The following BTLA variants were observed in gnomAD, a reference collection of about 807,000 sequenced individuals.
BTLA encodes the protein B and T lymphocyte associated.
In BTLA, 11 loss-of-function variants were observed where a neutral mutation model predicts 25.0. The observed-to-expected ratio is 0.44, with a 90% confidence interval of 0.28 to 0.73. The LOEUF (loss-of-function observed/expected upper bound fraction) is 0.73. Ranked by LOEUF, BTLA falls within the 30% of genes least tolerant of loss-of-function variation. The probability of loss-of-function intolerance (pLI) is 0.15; values close to 1 mark genes in which losing one functional copy is unlikely to be tolerated. For synonymous variants in BTLA, 104 were observed against 119.8 expected, an observed-to-expected ratio of 0.87 and a Z score of 0.86; for missense variants, 282 against 332.8, an observed-to-expected ratio of 0.85 and a Z score of 1.19.
In BTLA at chr3:112,492,626, T is replaced by G. The variant is rs116514950; in HGVS notation, c.88+6645A>C. The stretch of plus-strand genomic sequence containing the variant: ...TCTCTAATACATTCTACCACAGACA[T>G]CACACTGAGATTCACTGGCATTTTC... On this transcript the variant is annotated intron_variant, in intron 1 of 4. Coordinates refer to ENST00000334529, the MANE Select transcript of BTLA (RefSeq NM_181780.4). Among the ~76,000 whole-genome samples the G allele has an allele frequency of 2.8e-3, 431 of 152,312 alleles. 4 individuals carry two copies. Among genetic ancestry groups the G allele is most frequent in the African/African-American group, 9.9e-3 (413 of 41,576 alleles).
chr3:112,489,181 G>A (rs1167310404), intron 1 of BTLA, among the ~76,000 whole-genome samples: 2 of 152,082 alleles, frequency 1.3e-5, no homozygotes, highest in Non-Finnish European at 2.9e-5. Context: ...CCACTCAGGG[G>A]TGGATATTAA....
At chr3:112,467,484 T>C (rs2082236689) in intron 4 of BTLA, among the ~76,000 whole-genome samples, 1 of 152,254 alleles carries the variant, frequency 6.6e-6, no homozygotes, top group South Asian at 2.1e-4. Context: ...ATTTCCGTTC[T>C]TGACATCTGG....
At chr3:112,479,368 T>C in intron 2 of BTLA, 87 bp downstream of exon 2, 1 of 1,340,634 alleles carries the variant, frequency 7.5e-7, no homozygotes, top group Non-Finnish European at 1.0e-6. Flanking sequence ...GTTGGCTTTC[T>C]AACATAATCA....
chr3:112,472,609 G>A (rs919504181), intron 2 of BTLA, among the ~76,000 whole-genome samples: 3 of 152,006 alleles, frequency 2.0e-5, no homozygotes, highest in African/African-American at 7.2e-5. Flanking sequence ...CAGGAGAATC[G>A]CTTGAACTCG....
rs2082321955 is a variant in BTLA, at chr3:112,482,278, T to G, written c.89-2509A>C. ...TTTCACTCATTTTCATGCATTCTTC[T>G]GAATAGATGTACAGTATCATACATT... On this transcript the variant is annotated intron_variant, in intron 1 of 4. Transcript: ENST00000334529. Among the ~76,000 whole-genome samples the G allele has an allele frequency of 1.3e-5, 2 of 152,224 alleles. 1 individual carries two copies. The highest frequency in any genetic ancestry group is 4.8e-5 in the African/African-American group (2 of 41,456).
chr3:112,487,895 C>T (rs976221865), intron 1 of BTLA, among the ~76,000 whole-genome samples: 2 of 152,158 alleles, frequency 1.3e-5, no homozygotes, highest in Non-Finnish European at 2.9e-5. Flanking sequence ...TTTCTTCCTC[C>T]AAGCCAACCC....
At position 112,466,321 on chromosome 3, in the gene BTLA, C is replaced by G; in HGVS notation, c.657G>C (p.Leu219=). The part of the protein sequence containing the change: ...EASTRQNSQV[L]LSETGIYDND... Reference sequence around the variant, plus strand: ...TATCATAAATTCCAGTTTCTGATAGCAGTACTTGGGAATTTTGCCTGGTGC... The same window carrying G: ...TATCATAAATTCCAGTTTCTGATAGGAGTACTTGGGAATTTTGCCTGGTGC... Residue 219 remains leucine (L), a synonymous_variant, in exon 5 of 5, where the codon CTG becomes CTC. Transcript: ENST00000334529. The G allele has an allele frequency of 6.2e-7, 1 of 1,613,650 alleles. No homozygotes were observed. The highest frequency in any genetic ancestry group is 8.5e-7 in the Non-Finnish European group (1 of 1,179,752).
chr3:112,486,566 CTGATA>C (rs1326078464), intron 1 of BTLA, among the ~76,000 whole-genome samples: 3 of 151,972 alleles, frequency 2.0e-5, no homozygotes, highest in African/African-American at 4.8e-5. Flanking sequence ...TAGTTATAGT[CTGATA>C]TAATAGTTTA....
At chr3:112,489,615 C>A (rs2082368883) in intron 1 of BTLA, among the ~76,000 whole-genome samples, 1 of 152,094 alleles carries the variant, frequency 6.6e-6, no homozygotes, top group East Asian at 1.9e-4. Flanking sequence ...AGAAATTAAA[C>A]AAATGATTTT....
intron 1 of BTLA, among the ~76,000 whole-genome samples, chr3:112,485,295 T>A (rs2082340497): frequency 6.6e-6 from 1 of 152,174 alleles, no homozygotes; most frequent in African/African-American, 2.4e-5. Flanking sequence ...TCCACCCGCC[T>A]CTGCCTCACA....
intron 2 of BTLA, among the ~76,000 whole-genome samples, chr3:112,478,238 A>T (rs1456977527): frequency 1.3e-5 from 2 of 152,122 alleles, no homozygotes; most frequent in Admixed American, 6.5e-5. Flanking sequence ...TCTTTACAAT[A>T]TTACATCTTT....
chr3:112,470,867 A>T (rs2082258385), intron 3 of BTLA, among the ~76,000 whole-genome samples: 1 of 152,194 alleles, frequency 6.6e-6, no homozygotes, highest in South Asian at 2.1e-4. Context: ...GATCTGAGAG[A>T]TTGTTTCAAC....
At position 112,465,435 on chromosome 3, in the gene BTLA, C is replaced by T. The variant is rs1021172556; in HGVS notation, c.*673G>A. 2.1e-4 allele frequency: 32 copies of T among 152,624 alleles called. No individual in the cohort carries two copies. Among genetic ancestry groups the T allele is most frequent in the African/African-American group, 7.7e-4 (32 of 41,444 alleles). The allele number at this position is 152,624 out of a possible 1,614,324, so 9.5% of individuals were successfully genotyped here. On this transcript the variant is annotated 3_prime_UTR_variant, in exon 5 of 5. Transcript: ENST00000334529. ...ATAAATGTGCTATACGTTGACTGCT[C>T]CATTAATACCTATATTTGCTTATCA...
chr3:112,496,989 A>G (rs956513001), intron 1 of BTLA, among the ~76,000 whole-genome samples: 1 of 152,158 alleles, frequency 6.6e-6, no homozygotes, highest in Non-Finnish European at 1.5e-5. Flanking sequence ...TGGCTTCCCA[A>G]AGTGCTGAGA....
intron 1 of BTLA, among the ~76,000 whole-genome samples, chr3:112,493,182 A>T (rs1470091791): frequency 6.6e-6 from 1 of 152,250 alleles, no homozygotes; most frequent in Non-Finnish European, 1.5e-5. Context: ...TCACTGACAC[A>T]ATACAACTCA....
chr3:112,495,206 T>A (rs939873632), intron 1 of BTLA, among the ~76,000 whole-genome samples: 1 of 152,226 alleles, frequency 6.6e-6, no homozygotes, highest in African/African-American at 2.4e-5. Context: ...AACCATTAAA[T>A]GGCAGACATA....
intron 1 of BTLA, among the ~76,000 whole-genome samples, chr3:112,495,249 C>T (rs1295201886): frequency 1.3e-5 from 2 of 152,134 alleles, no homozygotes; most frequent in Non-Finnish European, 2.9e-5. Flanking sequence ...GCTTTAGAGT[C>T]CCTGATCTTA....
chr3:112,490,635 ACACAC>A (rs1484784834), intron 1 of BTLA, among the ~76,000 whole-genome samples: 2 of 151,626 alleles, frequency 1.3e-5, no homozygotes, highest in Non-Finnish European at 2.9e-5. Context: ...ACACACACAC[ACACAC>A]AATGTAAAAT....
intron 1 of BTLA, among the ~76,000 whole-genome samples, chr3:112,480,882 A>G (rs910597465): frequency 2.6e-5 from 4 of 152,230 alleles, no homozygotes; most frequent in African/African-American, 9.6e-5. Context: ...AATTTATTGC[A>G]GAATCAATTC....
Sources: allele counts gnomAD v4.1 joint callset (sites outside exome capture counted in the v4.1 genomes callset), GRCh38; gene constraint gnomAD v4.1.1; transcripts MANE v1.5; gene names NCBI Gene and HGNC (gene_info 2026-07-23, HGNC 2026-07-21).